OSBP2: variants seen among roughly 807,000 people sequenced by gnomAD.
OSBP2 encodes oxysterol-binding protein 2.
Under a neutral mutation model 96.0 loss-of-function variants are expected in OSBP2, and 66 were observed. That is an observed-to-expected ratio of 0.69 (90% CI 0.56 to 0.84). OSBP2 has a LOEUF of 0.84. Among genes scored for constraint, OSBP2 ranks in the 40% least tolerant of loss-of-function variants. The pLI is 0.00. For missense variants in OSBP2, 1,038 were observed against 1,222.7 expected (o/e 0.85, Z 2.25); for synonymous variants, 525 against 520.9 (o/e 1.01, Z -0.11).
intron 2 of OSBP2, among the ~76,000 whole-genome samples, chr22:30,834,439 A>G (rs528321406): frequency 9.2e-5 from 14 of 152,208 alleles, no homozygotes; most frequent in Non-Finnish European, 1.9e-4. Flanking sequence ...AGACTGCACC[A>G]TTTTACATTA....
intron 12 of OSBP2, 42 bp downstream of exon 12, chr22:30,894,043 G>A (rs758939670): frequency 2.3e-5 from 35 of 1,542,846 alleles, no homozygotes; most frequent in African/African-American, 5.4e-5. Flanking sequence ...GCAAAGGAGA[G>A]GGAAGGAGGA....
chr22:30,867,175 C>T (rs1028783787), intron 2 of OSBP2, among the ~76,000 whole-genome samples: 1 of 152,186 alleles, frequency 6.6e-6, no homozygotes, highest in Non-Finnish European at 1.5e-5. Flanking sequence ...CCAAGCCCAC[C>T]CCTTCCTGGC....
chr22:30,735,345 G>A (rs1292603724), intron 1 of OSBP2, among the ~76,000 whole-genome samples: 1 of 138,734 alleles, frequency 7.2e-6, no homozygotes. Context: ...ACCTGCTCTT[G>A]TTTCATTTTT....
chr22:30,752,597 C>T (rs1270639994), intron 2 of OSBP2, among the ~76,000 whole-genome samples: 1 of 151,928 alleles, frequency 6.6e-6, no homozygotes, highest in Non-Finnish European at 1.5e-5. Context: ...GCCCAGGGTT[C>T]TTATTATGCA....
intron 2 of OSBP2, among the ~76,000 whole-genome samples, chr22:30,767,167 G>A (rs1027393896): frequency 6.9e-5 from 10 of 145,022 alleles, no homozygotes; most frequent in East Asian, 2.0e-4. Flanking sequence ...AAAATTAGCC[G>A]GGCGTTGTGG....
chr22:30,899,784 C>T (rs1454755388), intron 12 of OSBP2, among the ~76,000 whole-genome samples: 1 of 151,998 alleles, frequency 6.6e-6, no homozygotes, highest in Non-Finnish European at 1.5e-5. Context: ...AAGATAGCAT[C>T]CTATAATCAG....
intron 9 of OSBP2, 95 bp from the exon 10 acceptor site, chr22:30,893,368 C>A: frequency 6.5e-7 from 1 of 1,533,992 alleles, no homozygotes; most frequent in Non-Finnish European, 9.0e-7. Flanking sequence ...CCTCTTCAAC[C>A]CCCCAGCCTA....
At chr22:30,818,806 G>A (rs7289612) in intron 2 of OSBP2, among the ~76,000 whole-genome samples, 7,219 of 152,254 alleles carry the variant, frequency 0.047, 575 homozygotes, top group African/African-American at 0.17. Context: ...CAGGTGGGGC[G>A]TGACAAGGAA....
chr22:30,802,519 C>T (rs985466148), intron 2 of OSBP2, among the ~76,000 whole-genome samples: 1 of 152,232 alleles, frequency 6.6e-6, no homozygotes, highest in African/African-American at 2.4e-5. Flanking sequence ...CCTCTCCAGC[C>T]TCGATTGGGG....
At chr22:30,801,154 C>T (rs1317733118) in intron 2 of OSBP2, among the ~76,000 whole-genome samples, 1 of 152,130 alleles carries the variant, frequency 6.6e-6, no homozygotes, top group Non-Finnish European at 1.5e-5. Flanking sequence ...TGATTGTGTA[C>T]CCTGTCCCCA....
At chr22:30,778,302 T>C (rs2090463648) in intron 2 of OSBP2, among the ~76,000 whole-genome samples, 1 of 97,170 alleles carries the variant, frequency 1.0e-5, no homozygotes, top group South Asian at 3.0e-4. Flanking sequence ...CGTGTGCATG[T>C]GCACACACAC....
intron 1 of OSBP2, among the ~76,000 whole-genome samples, chr22:30,724,882 C>T (rs1317355270): frequency 2.0e-5 from 3 of 152,076 alleles, no homozygotes; most frequent in Non-Finnish European, 2.9e-5. Context: ...GGCAAAGAAA[C>T]CAATTTATAA....
In OSBP2 at chr22:30,882,538, G is replaced by T. The variant is rs184399217; in HGVS notation, c.1108-4888G>T. ...AAAAAAAAAATCTACCTCAGTGCTT[G>T]TAAGAATGCCTGCAATGCCCTGCCC... On this transcript the variant is annotated intron_variant, in intron 3 of 13. Coordinates refer to ENST00000332585, the MANE Select transcript of OSBP2 (RefSeq NM_030758.4). Among the ~76,000 whole-genome samples the T allele has an allele frequency of 2.7e-3, 406 of 151,464 alleles. 1 individual carries two copies. The highest frequency in any genetic ancestry group is 0.01 in the Middle Eastern group (3 of 292).
rs188550010 is a variant in OSBP2 at position 30,830,965 on chromosome 22, T to C, written c.854-39464T>C. On this transcript the variant is annotated intron_variant, in intron 2 of 13. Coordinates refer to ENST00000332585, the MANE Select transcript of OSBP2 (RefSeq NM_030758.4). ...TTATCGCAGGCTTTGTGTTTATTCGTTGGAAGGCTGTGGAATGCCTTTTCC... is the reference window on the plus strand; with the variant it reads ...TTATCGCAGGCTTTGTGTTTATTCGCTGGAAGGCTGTGGAATGCCTTTTCC... 1.6e-3 allele frequency among the ~76,000 whole-genome samples: 245 copies of C among 152,344 alleles called. 1 individual carries two copies. Among genetic ancestry groups the C allele is most frequent in the African/African-American group, 5.7e-3 (239 of 41,582 alleles).
chr22:30,694,906 C>G lies in OSBP2; in HGVS notation c.-4C>G, dbSNP rs1256868906. ...GCTCGGCCGCGCGCGGGTCGGCCGG[C>G]TCTATGGGGAAAGCGGCGGCTCCGA... On this transcript the variant is annotated 5_prime_UTR_variant, in exon 1 of 14. Transcript: ENST00000332585. 2.2e-6 allele frequency: 3 copies of G among 1,380,272 alleles called. No individual in the cohort carries two copies. Among genetic ancestry groups the G allele is most frequent in the African/African-American group, 1.5e-5 (1 of 65,188 alleles). The allele number at this position is 1,380,272 out of a possible 1,614,324, so 85.5% of individuals were successfully genotyped here.
intron 2 of OSBP2, among the ~76,000 whole-genome samples, chr22:30,826,385 G>A (rs750110026): frequency 2.0e-5 from 3 of 152,178 alleles, no homozygotes; most frequent in Non-Finnish European, 4.4e-5. Context: ...CTCGGGCCTA[G>A]CCTCATAGCA....
intron 3 of OSBP2, among the ~76,000 whole-genome samples, chr22:30,879,642 C>G (rs1478053667): frequency 1.3e-5 from 2 of 152,208 alleles, no homozygotes; most frequent in Non-Finnish European, 2.9e-5. Flanking sequence ...CCCAGCACTT[C>G]CCCTTGTGGC....
At chr22:30,904,846 C>G (rs1287055105) in intron 12 of OSBP2, among the ~76,000 whole-genome samples, 2 of 152,084 alleles carry the variant, frequency 1.3e-5, no homozygotes, top group Non-Finnish European at 2.9e-5. Context: ...TAGAAAAATC[C>G]CCATATGGGC....
intron 2 of OSBP2, among the ~76,000 whole-genome samples, chr22:30,762,979 G>A (rs2090224751): frequency 6.6e-6 from 1 of 152,282 alleles, no homozygotes; most frequent in Middle Eastern, 3.4e-3. Flanking sequence ...AAGCAGAGAT[G>A]CTGGAGCCAG....
Sources: gnomAD v4.1 joint callset for allele counts (sites outside exome capture counted in the v4.1 genomes callset) on GRCh38, gnomAD v4.1.1 for gene constraint, MANE v1.5 for transcripts, NCBI Gene and HGNC (gene_info 2026-07-23, HGNC 2026-07-21) for gene names.